GTF2A1L: variants seen among roughly 807,000 people sequenced by gnomAD.
GTF2A1L encodes the protein general transcription factor IIA subunit 1 like.
Under a neutral mutation model 49.7 loss-of-function variants are expected in GTF2A1L, and 48 were observed. That is an observed-to-expected ratio of 0.97 (90% CI 0.77 to 1.23). The LOEUF is 1.23. GTF2A1L is among the 50% of genes most tolerant of loss of function. The probability of loss-of-function intolerance (pLI) is 0.00; values close to 1 mark genes in which losing one functional copy is unlikely to be tolerated. For synonymous variants in GTF2A1L, 246 were observed against 193.5 expected, an observed-to-expected ratio of 1.27 and a Z score of -2.25; for missense variants, 736 against 564.8, an observed-to-expected ratio of 1.30 and a Z score of -3.07.
At chr2:48,635,565 A>G (rs1390163078) in intron 3 of GTF2A1L, among the ~76,000 whole-genome samples, 1 of 152,130 alleles carries the variant, frequency 6.6e-6, no homozygotes, top group Non-Finnish European at 1.5e-5. Flanking sequence ...CTCATTGCCC[A>G]GGAGAGACTG....
chr2:48,672,350 A>G (rs1679218669), intron 8 of GTF2A1L, among the ~76,000 whole-genome samples: 1 of 152,250 alleles, frequency 6.6e-6, no homozygotes, highest in Non-Finnish European at 1.5e-5. Context: ...GAGACAGAAT[A>G]GGAAGCAGAT....
chr2:48,644,409 G>C (rs760070869), intron 4 of GTF2A1L, among the ~76,000 whole-genome samples: 12 of 152,082 alleles, frequency 7.9e-5, no homozygotes, highest in Admixed American at 3.9e-4. Context: ...ATTGACCTTC[G>C]TGGATGCAGC....
At position 48,629,168 on chromosome 2, in the gene GTF2A1L, G is replaced by C. The variant is rs981589213; in HGVS notation, c.247+7878G>C. 1.4e-5 allele frequency among the ~76,000 whole-genome samples: 2 copies of C among 142,466 alleles called. 1 individual carries two copies. Among genetic ancestry groups the C allele is most frequent in the Non-Finnish European group, 3.2e-5 (2 of 63,310 alleles). 93.5% of individuals were successfully genotyped at this position (142,466 alleles called of 152,430 possible). A position where few individuals can be genotyped will look rare whatever the true frequency, so the allele number is the denominator to read the frequency against. On this transcript the variant is annotated intron_variant, in intron 3 of 8. Coordinates refer to ENST00000403751, the MANE Select transcript of GTF2A1L (RefSeq NM_006872.5). The stretch of plus-strand genomic sequence containing the variant: ...AGGCAGGAGAATTGCTTGAACCTAG[G>C]AGGCAGAGGTTGCAGTGAGCCAAGA...
Position 48,628,057 on chromosome 2 carries a change from C to T in GTF2A1L, c.247+6767C>T, listed in dbSNP as rs12997507. Among the ~76,000 whole-genome samples the T allele has an allele frequency of 5.7e-3, 815 of 144,130 alleles. 137 individuals are homozygous for T. Among genetic ancestry groups the T allele is most frequent in the Non-Finnish European group, 8.4e-3 (536 of 63,956 alleles). The allele number at this position is 144,130 out of a possible 152,430, so 94.6% of individuals were successfully genotyped here. On this transcript the variant is annotated intron_variant, in intron 3 of 8. Coordinates refer to ENST00000403751, the MANE Select transcript of GTF2A1L (RefSeq NM_006872.5). Reference sequence around the variant, plus strand: ...CGTGTTGCTGCAAAGGACATGATTTCTTTGTTTTTTATGAGTGCATAGTGT... The same window carrying T: ...CGTGTTGCTGCAAAGGACATGATTTTTTTGTTTTTTATGAGTGCATAGTGT...
chr2:48,644,680 C>G (rs901094934), intron 4 of GTF2A1L, among the ~76,000 whole-genome samples: 25 of 152,154 alleles, frequency 1.6e-4, no homozygotes, highest in African/African-American at 6.0e-4. Context: ...CAATTTTTAT[C>G]ACATTCTCAA....
chr2:48,673,358 A>C (rs923625699), intron 8 of GTF2A1L, among the ~76,000 whole-genome samples: 5 of 109,076 alleles, frequency 4.6e-5, no homozygotes, highest in African/African-American at 1.6e-4. Flanking sequence ...GACACAGGAA[A>C]CTTTTTTTTT....
At chr2:48,643,356 T>C (rs994473085) in intron 4 of GTF2A1L, among the ~76,000 whole-genome samples, 6 of 152,190 alleles carry the variant, frequency 3.9e-5, no homozygotes, top group Non-Finnish European at 7.3e-5. Context: ...TAGTACATAA[T>C]CTACTAACTG....
chr2:48,622,695 G>C (rs1223813301), intron 3 of GTF2A1L, among the ~76,000 whole-genome samples: 1 of 152,030 alleles, frequency 6.6e-6, no homozygotes, highest in Admixed American at 6.5e-5. Flanking sequence ...TTAGCCAGGC[G>C]TGGTGGCTCA....
chr2:48,669,303 A>C (rs1225905738), intron 6 of GTF2A1L, among the ~76,000 whole-genome samples: 1 of 152,132 alleles, frequency 6.6e-6, no homozygotes, highest in East Asian at 1.9e-4. Context: ...TGTTTGGCTT[A>C]TTTCACTTAG....
At chr2:48,644,852 C>G (rs1327480513) in intron 4 of GTF2A1L, among the ~76,000 whole-genome samples, 181 bp from the exon 5 acceptor site, 2 of 152,144 alleles carry the variant, frequency 1.3e-5, no homozygotes, top group African/African-American at 4.8e-5. Context: ...CCTCTTGATC[C>G]TTAATGGGAT....
chr2:48,660,780 G>A (rs1192309491), intron 6 of GTF2A1L, among the ~76,000 whole-genome samples: 1 of 151,876 alleles, frequency 6.6e-6, no homozygotes, highest in East Asian at 1.9e-4. Flanking sequence ...AGCTGGGATT[G>A]CAGGTGTGCT....
chr2:48,643,122 T>A (rs1677294404), intron 4 of GTF2A1L, among the ~76,000 whole-genome samples: 1 of 152,194 alleles, frequency 6.6e-6, no homozygotes, highest in Admixed American at 6.5e-5. Flanking sequence ...TTTTCAGATT[T>A]TTTTTCCCCT....
rs1433086233 is a variant in GTF2A1L at position 48,620,864 on chromosome 2, G to A, written c.35G>A (p.Arg12Lys). The change falls in exon 2 of 9, where the codon AGA (arginine) becomes AAA (lysine). Residue 12 changes from arginine (R) to lysine (K), a missense_variant. Transcript: ENST00000403751. ...GCTTTTATGTAGCCTAAACTCTACA[G>A]ATCTGTAATTGAAGATGTAATTGAA... ...ACLNPVPKLY[R>K]SVIEDVIEGV... 3 of 1,582,632 alleles carry A rather than the reference G, an allele frequency of 1.9e-6. No homozygotes were observed. Among genetic ancestry groups the A allele is most frequent in the Non-Finnish European group, 2.6e-6 (3 of 1,165,642 alleles).
At chr2:48,621,002 G>T in intron 2 of GTF2A1L, 50 bp downstream of exon 2, 2 of 1,567,562 alleles carry the variant, frequency 1.3e-6, no homozygotes, top group South Asian at 1.2e-5. Context: ...GTTTTTTTCA[G>T]CATACAAAAC....
intron 3 of GTF2A1L, among the ~76,000 whole-genome samples, chr2:48,638,084 A>C (rs192235617): frequency 1.3e-5 from 2 of 152,204 alleles, no homozygotes; most frequent in Non-Finnish European, 2.9e-5. Context: ...TGAATCAGTA[A>C]TAAATAGCCT....
chr2:48,671,229 G>A (rs1163012188), intron 7 of GTF2A1L, among the ~76,000 whole-genome samples: 1 of 152,002 alleles, frequency 6.6e-6, no homozygotes, highest in East Asian at 1.9e-4. Flanking sequence ...TTGAGATGGA[G>A]TCTCGCTCTG....
chr2:48,626,398 T>G (rs1275667631), intron 3 of GTF2A1L, among the ~76,000 whole-genome samples: 2 of 144,538 alleles, frequency 1.4e-5, no homozygotes, highest in Admixed American at 7.0e-5. Flanking sequence ...CTTTTTTTTG[T>G]ATTTCTATAA....
intron 3 of GTF2A1L, 97 bp from the exon 4 acceptor site, chr2:48,642,305 A>T: frequency 8.6e-7 from 1 of 1,168,724 alleles, no homozygotes; most frequent in Non-Finnish European, 1.2e-6. Context: ...TTAACCTGTT[A>T]GTGATAGAAA....
At chr2:48,671,774 T>C in intron 8 of GTF2A1L, 94 bp downstream of exon 8, 1 of 1,210,436 alleles carries the variant, frequency 8.3e-7, no homozygotes, top group South Asian at 1.6e-5. Flanking sequence ...AGAGTTACAC[T>C]TCACAATTAA....
Sources: allele counts gnomAD v4.1 joint callset (sites outside exome capture counted in the v4.1 genomes callset), GRCh38; gene constraint gnomAD v4.1.1; transcripts MANE v1.5; gene names NCBI Gene and HGNC (gene_info 2026-07-23, HGNC 2026-07-21).